The following DLG2 variants were observed in gnomAD, a reference collection of about 807,000 sequenced individuals.
DLG2 encodes disks large homolog 2.
Under a neutral mutation model 132.5 loss-of-function variants are expected in DLG2, and 45 were observed. The observed-to-expected ratio is 0.34, with a 90% CI of 0.27 to 0.44. The LOEUF (loss-of-function observed/expected upper bound fraction) is 0.44, where lower values mean the gene tolerates loss of function less well. Ranked by LOEUF, DLG2 falls within the 20% of genes least tolerant of loss-of-function variation. The probability of loss-of-function intolerance (pLI) is 1.00; values close to 1 mark genes in which losing one functional copy is unlikely to be tolerated. For missense variants in DLG2, 1,045 were observed against 1,196.9 expected, an observed-to-expected ratio of 0.87 and a Z score of 1.87; for synonymous variants, 424 against 419.6, an observed-to-expected ratio of 1.01 and a Z score of -0.13.
chr11:84,848,806 A>G (rs565615386), intron 6 of DLG2, among the ~76,000 whole-genome samples: 1 of 152,314 alleles, frequency 6.6e-6, no homozygotes, highest in South Asian at 2.1e-4. Context: ...TGGGGCCAGA[A>G]GTCCAACTGT....
rs34372974 is a variant in DLG2 at position 84,130,578 on chromosome 11, GACACAC to G, written c.625-31537_625-31532del. Among the ~76,000 whole-genome samples the G allele has an allele frequency of 2.3e-4, 32 of 138,600 alleles. 1 individual carries two copies. The South Asian group carries it at 3.4e-3, about 15-fold the overall frequency. The allele number at this position is 138,600 out of a possible 152,430, so 90.9% of individuals were successfully genotyped here. ...GTATATATAAGTATACGCACACATA[GACACAC>G]ACACACACACACACATATAAAAATC... On this transcript the variant is annotated intron_variant, in intron 9 of 27. Transcript: ENST00000376104.
chr11:85,511,009 T>A (rs1170915419), intron 3 of DLG2, among the ~76,000 whole-genome samples: 1 of 152,078 alleles, frequency 6.6e-6, no homozygotes, highest in Non-Finnish European at 1.5e-5. Flanking sequence ...TAAGAAAATG[T>A]GGCACATATA....
intron 7 of DLG2, among the ~76,000 whole-genome samples, chr11:84,458,647 C>T (rs2099071931): frequency 1.3e-5 from 2 of 150,362 alleles, no homozygotes; most frequent in South Asian, 4.2e-4. Flanking sequence ...TGTGGCTTTT[C>T]TACTTTTTCT....
intron 6 of DLG2, among the ~76,000 whole-genome samples, chr11:84,610,105 T>G (rs1404938908): frequency 6.6e-6 from 1 of 152,130 alleles, no homozygotes; most frequent in Non-Finnish European, 1.5e-5. Context: ...TAATCCAATA[T>G]TTATCAGTGG....
At chr11:83,767,182 A>C (rs2153780407) in intron 18 of DLG2, among the ~76,000 whole-genome samples, 1 of 152,286 alleles carries the variant, frequency 6.6e-6, no homozygotes, top group East Asian at 1.9e-4. Context: ...GGATATGGAC[A>C]TTTTGGGATT....
chr11:85,427,021 G>T (rs941807667), intron 3 of DLG2, among the ~76,000 whole-genome samples: 1 of 152,166 alleles, frequency 6.6e-6, no homozygotes, highest in African/African-American at 2.4e-5. Context: ...GTAAGAAAGC[G>T]TATCAGTGAT....
chr11:84,257,058 A>T (rs1357318184), intron 7 of DLG2, among the ~76,000 whole-genome samples: 3 of 152,198 alleles, frequency 2.0e-5, no homozygotes, highest in Non-Finnish European at 2.9e-5. Context: ...GAAGTAAGAC[A>T]TCTAACATTA....
intron 14 of DLG2, among the ~76,000 whole-genome samples, chr11:83,934,503 T>C (rs2081029319): frequency 6.6e-6 from 1 of 152,044 alleles, no homozygotes; most frequent in Non-Finnish European, 1.5e-5. Context: ...CTATAGTCCC[T>C]GCCCTGTATC....
chr11:84,341,146 T>C (rs957686639), intron 7 of DLG2, among the ~76,000 whole-genome samples: 7 of 152,266 alleles, frequency 4.6e-5, no homozygotes, highest in Non-Finnish European at 5.9e-5. Context: ...GTGAGATCAT[T>C]ACTTCTCTGA....
At chr11:83,480,717 C>A (rs1346576767) in intron 22 of DLG2, 2 of 1,141,608 alleles carry the variant, frequency 1.8e-6, no homozygotes, top group East Asian at 2.6e-5. Context: ...CATTCATATA[C>A]CTCTGACTTT....
At chr11:85,396,855 C>T (rs1308866874) in intron 3 of DLG2, among the ~76,000 whole-genome samples, 1 of 152,178 alleles carries the variant, frequency 6.6e-6, no homozygotes, top group Non-Finnish European at 1.5e-5. Context: ...AAACACTCTT[C>T]AAGATATTAT....
At position 84,477,471 on chromosome 11, in the gene DLG2, G is replaced by T. The variant is rs1158477742; in HGVS notation, c.519+57099C>A. On this transcript the variant is annotated intron_variant, in intron 7 of 27. Transcript: ENST00000376104. ...TTTTGTGTCATTGTACTCCAACCTG[G>T]GCAACAAGAGAGAAAATCTGTCTCA... Among the ~76,000 whole-genome samples the T allele has an allele frequency of 2.0e-5, 3 of 151,794 alleles. No individual in the cohort carries two copies. In the East Asian group the frequency reaches 5.8e-4, roughly 29 times the overall value.
chr11:84,139,396 A>G (rs528229878), intron 9 of DLG2, among the ~76,000 whole-genome samples: 1 of 152,288 alleles, frequency 6.6e-6, no homozygotes, highest in African/African-American at 2.4e-5. Context: ...AAATAGTTAA[A>G]GAAATGTGGA....
At chr11:83,518,038 T>C (rs575111538) in intron 21 of DLG2, among the ~76,000 whole-genome samples, 2 of 152,326 alleles carry the variant, frequency 1.3e-5, no homozygotes, top group Non-Finnish European at 2.9e-5. Flanking sequence ...ACCACTACTC[T>C]CTTCAAAGCT....
chr11:84,185,087 G>A (rs2096247656), intron 8 of DLG2, among the ~76,000 whole-genome samples: 1 of 152,134 alleles, frequency 6.6e-6, no homozygotes, highest in African/African-American at 2.4e-5. Flanking sequence ...CTTTAAAGCA[G>A]TTTTTTCCAA....
At chr11:83,487,110 A>G (rs994815036) in intron 21 of DLG2, among the ~76,000 whole-genome samples, 4 of 152,094 alleles carry the variant, frequency 2.6e-5, no homozygotes, top group Non-Finnish European at 5.9e-5. Context: ...TTACAGCCCT[A>G]TTCTCAATTA....
chr11:83,631,272 C>T (rs2063521508), intron 19 of DLG2: 1 of 148,970 alleles, frequency 6.7e-6, no homozygotes, highest in South Asian at 2.1e-4. Context: ...TGACTATACG[C>T]ATGGCCCATA....
chr11:84,772,804 G>C (rs1265884152), intron 6 of DLG2, among the ~76,000 whole-genome samples: 1 of 152,148 alleles, frequency 6.6e-6, no homozygotes, highest in Non-Finnish European at 1.5e-5. Context: ...GCAGCGGTAA[G>C]AGGAAAGTTT....
At chr11:83,834,955 C>T (rs2055707997) in intron 16 of DLG2, among the ~76,000 whole-genome samples, 1 of 152,248 alleles carries the variant, frequency 6.6e-6, no homozygotes, top group Admixed American at 6.5e-5. Flanking sequence ...GAGAAAGAGC[C>T]ATCCCATGTA....
Sources: gnomAD v4.1 joint callset for allele counts (sites outside exome capture counted in the v4.1 genomes callset) on GRCh38, gnomAD v4.1.1 for gene constraint, MANE v1.5 for transcripts, NCBI Gene and HGNC (gene_info 2026-07-23, HGNC 2026-07-21) for gene names.